Variants in DLGAP2 observed in about 807,000 individuals in gnomAD.
DLGAP2 encodes the protein disks large-associated protein 2.
DLGAP2 carries 26 observed loss-of-function variants against 100.3 expected under a neutral mutation model. The observed-to-expected ratio is 0.26, with a 90% confidence interval of 0.19 to 0.36. The LOEUF (loss-of-function observed/expected upper bound fraction) is 0.36. Ranked by LOEUF, DLGAP2 falls within the 10% of genes least tolerant of loss-of-function variation. The pLI is 1.00. For synonymous variants in DLGAP2, 886 were observed against 630.1 expected (o/e 1.41, Z -6.08); for missense variants, 1,858 against 1,453.2 (o/e 1.28, Z -4.53).
chr8:915,292 A>C (rs956820367), intron 2 of DLGAP2, among the ~76,000 whole-genome samples: 1 of 152,208 alleles, frequency 6.6e-6, no homozygotes, highest in African/African-American at 2.4e-5. Context: ...TCACGCCTGT[A>C]ATCCCAGCGC....
chr8:1,359,692 C>G (rs560919460), intron 3 of DLGAP2, among the ~76,000 whole-genome samples: 3 of 152,240 alleles, frequency 2.0e-5, no homozygotes, highest in Non-Finnish European at 2.9e-5. Context: ...CCACGGTAGA[C>G]GCTGGCCTCA....
chr8:1,548,314 C>G (rs1233013943), intron 4 of DLGAP2, among the ~76,000 whole-genome samples: 1 of 151,388 alleles, frequency 6.6e-6, no homozygotes, highest in African/African-American at 2.4e-5. Flanking sequence ...ACAAAATTAG[C>G]CGGGCGTGGT....
chr8:1,134,420 C>A (rs1326491376), intron 2 of DLGAP2, among the ~76,000 whole-genome samples: 1 of 152,158 alleles, frequency 6.6e-6, no homozygotes, highest in Non-Finnish European at 1.5e-5. Flanking sequence ...CTGTCTTCCA[C>A]AATGGTTGAG....
In DLGAP2 at chr8:1,198,027, G is replaced by A. The variant is rs553863667; in HGVS notation, c.74-60824G>A. On this transcript the variant is annotated intron_variant, in intron 2 of 14. Transcript: ENST00000637795. ...AGCCTGGGTCATTCAGGGACCCACT[G>A]GAAATGAGCCATGGCCGTGGATGAG... 1.5e-3 allele frequency among the ~76,000 whole-genome samples: 224 copies of A among 152,222 alleles called. 1 individual carries two copies. Among genetic ancestry groups the A allele is most frequent in the African/African-American group, 5.2e-3 (215 of 41,540 alleles).
chr8:1,538,220 C>T (rs565948097), intron 4 of DLGAP2, among the ~76,000 whole-genome samples: 3 of 152,272 alleles, frequency 2.0e-5, no homozygotes, highest in South Asian at 4.1e-4. Context: ...ATTCTCTCTT[C>T]TTTTTATCAC....
At chr8:1,192,844 C>A (rs886379697) in intron 2 of DLGAP2, among the ~76,000 whole-genome samples, 1 of 151,856 alleles carries the variant, frequency 6.6e-6, no homozygotes, top group African/African-American at 2.4e-5. Flanking sequence ...CACAACAGGC[C>A]CTGGTGTGTG....
At chr8:1,437,289 G>T (rs1284581749) in intron 3 of DLGAP2, among the ~76,000 whole-genome samples, 1 of 152,252 alleles carries the variant, frequency 6.6e-6, no homozygotes, top group East Asian at 1.9e-4. Flanking sequence ...GCCCAGGCAT[G>T]CAGGCGCGAA....
chr8:1,477,358 C>T (rs981684259), intron 3 of DLGAP2, among the ~76,000 whole-genome samples: 11 of 152,220 alleles, frequency 7.2e-5, no homozygotes, highest in African/African-American at 2.2e-4. Flanking sequence ...GACAGGCTGC[C>T]TCCCCACCCT....
intron 8 of DLGAP2, among the ~76,000 whole-genome samples, chr8:1,652,855 C>G (rs536375479): frequency 2.0e-5 from 3 of 152,152 alleles, no homozygotes; most frequent in Non-Finnish European, 2.9e-5. Flanking sequence ...TAAATTGCCT[C>G]CTTGGTCTAT....
intron 3 of DLGAP2, among the ~76,000 whole-genome samples, chr8:1,372,298 A>C (rs1802259613): frequency 6.6e-6 from 1 of 152,120 alleles, no homozygotes; most frequent in Admixed American, 6.5e-5. Flanking sequence ...CGTGCTGCCA[A>C]CGCTGGGACG....
intron 8 of DLGAP2, among the ~76,000 whole-genome samples, chr8:1,664,326 C>A (rs1457995190): frequency 2.0e-5 from 3 of 152,160 alleles, no homozygotes; most frequent in African/African-American, 7.2e-5. Flanking sequence ...CCGTCCTACT[C>A]CTGCTTCCCA....
chr8:1,019,518 A>C (rs1173702660), intron 2 of DLGAP2: 3 of 151,576 alleles, frequency 2.0e-5, no homozygotes, highest in African/African-American at 7.3e-5. Context: ...TTTCCCTCTA[A>C]AGAGAGGGGC....
intron 3 of DLGAP2, among the ~76,000 whole-genome samples, chr8:1,448,456 T>G (rs1181783236): frequency 6.6e-6 from 1 of 152,198 alleles, no homozygotes; most frequent in Non-Finnish European, 1.5e-5. Context: ...GAGAGACAGT[T>G]TGTTATAATT....
chr8:1,609,027 G>A (rs971296115), intron 6 of DLGAP2, among the ~76,000 whole-genome samples: 1 of 148,796 alleles, frequency 6.7e-6, no homozygotes, highest in East Asian at 2.1e-4. Flanking sequence ...TCAGATTCAG[G>A]AAATACAGAG....
intron 6 of DLGAP2, chr8:1,604,487 A>G (rs978342740): frequency 6.6e-6 from 1 of 152,132 alleles, no homozygotes. Context: ...GGCTGACCTC[A>G]CCCTTCTAAA....
chr8:870,603 C>T (rs978493816), intron 1 of DLGAP2, among the ~76,000 whole-genome samples: 8 of 152,286 alleles, frequency 5.3e-5, no homozygotes, highest in African/African-American at 1.7e-4. Context: ...TCCTCAGGCA[C>T]AACACAGCCT....
At position 1,633,011 on chromosome 8, in the gene DLGAP2, C is replaced by T. The variant is rs200490199; in HGVS notation, c.1775C>T (p.Pro592Leu). Residue 592 changes from proline to leucine, a missense_variant, in exon 8 of 15, where the codon CCC (proline) becomes CTC (leucine). Physicochemically the swap from Pro to Leu is moderately conservative, Grantham distance 98. Transcript: ENST00000637795. ...GACGAATGTATTCCCATGATGACAC[C>T]CTCTGACATCACCTCCACCATCAGG... ...QDDECIPMMT[P>L]SDITSTIRST... 49 of 1,613,964 alleles carry T rather than the reference C, an allele frequency of 3.0e-5. No individual in the cohort carries two copies. The Middle Eastern group carries it at 8.2e-4, about 27-fold the overall frequency.
At chr8:1,520,999 G>A (rs753120000) in intron 4 of DLGAP2, among the ~76,000 whole-genome samples, 3 of 152,196 alleles carry the variant, frequency 2.0e-5, no homozygotes, top group Admixed American at 6.5e-5. Context: ...GAGGCTCCGC[G>A]TCCTGGCCGG....
intron 1 of DLGAP2, chr8:739,087 T>C (rs939325403): frequency 1.9e-5 from 3 of 153,944 alleles, no homozygotes; most frequent in African/African-American, 7.2e-5. Context: ...CTTCTATCGA[T>C]TAAAGATAAA....
Sources: gnomAD v4.1 joint callset for allele counts (sites outside exome capture counted in the v4.1 genomes callset) on GRCh38, gnomAD v4.1.1 for gene constraint, MANE v1.5 for transcripts, NCBI Gene and HGNC (gene_info 2026-07-23, HGNC 2026-07-21) for gene names.